THRB: variants seen among roughly 807,000 people sequenced by gnomAD.
The protein encoded by THRB is nuclear receptor subfamily 1 group A member 2.
THRB carries 12 observed loss-of-function variants against 47.8 expected under a neutral mutation model. The ratio of observed to expected loss-of-function variants is 0.25; its 90% confidence interval spans 0.16 to 0.41. The LOEUF (loss-of-function observed/expected upper bound fraction) is 0.41. Among genes scored for constraint, THRB ranks in the 10% least tolerant of loss-of-function variants. THRB has a pLI of 1.00. For synonymous variants in THRB, 218 were observed against 212.2 expected, an observed-to-expected ratio of 1.03 and a Z score of -0.24; for missense variants, 348 against 589.2, an observed-to-expected ratio of 0.59 and a Z score of 4.24.
At chr3:24,255,668 G>C (rs1431891129) in intron 3 of THRB, among the ~76,000 whole-genome samples, 1 of 152,188 alleles carries the variant, frequency 6.6e-6, no homozygotes, top group Non-Finnish European at 1.5e-5. Flanking sequence ...ATGGAGAAGG[G>C]AGGGACCCGT....
At chr3:24,483,562 CA>C (rs1292049402) in intron 1 of THRB, among the ~76,000 whole-genome samples, 2 of 150,124 alleles carry the variant, frequency 1.3e-5, no homozygotes, top group Non-Finnish European at 3.0e-5. Flanking sequence ...AGCAAGTTCC[CA>C]ACACTCTTTG....
intron 3 of THRB, among the ~76,000 whole-genome samples, chr3:24,267,936 A>T (rs2052834296): frequency 6.6e-6 from 1 of 152,230 alleles, no homozygotes; most frequent in Non-Finnish European, 1.5e-5. Flanking sequence ...CAACACCATT[A>T]GCCCTATCCT....
intron 2 of THRB, among the ~76,000 whole-genome samples, chr3:24,309,836 T>C (rs1241331985): frequency 6.6e-6 from 1 of 152,188 alleles, no homozygotes; most frequent in African/African-American, 2.4e-5. Flanking sequence ...GATATAAACT[T>C]GTAAAATACG....
At chr3:24,268,742 C>T (rs752270545) in intron 3 of THRB, among the ~76,000 whole-genome samples, 9 of 151,978 alleles carry the variant, frequency 5.9e-5, no homozygotes, top group Admixed American at 1.3e-4. Context: ...AATGTTTGTG[C>T]CTGTTATCTC....
In THRB at chr3:24,165,120, T is replaced by C. The variant is rs543770434; in HGVS notation, c.284-12630A>G. On this transcript the variant is annotated intron_variant, in intron 5 of 10. Coordinates refer to ENST00000646209, the MANE Select transcript of THRB (RefSeq NM_001354712.2). ...GGTTGGCTGTATTGATTCAGGGCCA[T>C]GTCCAAGTCAGAGTCCTTGCTTTTA... is the stretch of plus-strand genomic sequence containing the variant. The C allele has an allele frequency of 2.3e-4, 177 of 765,152 alleles. 4 individuals carry two copies. The highest frequency in any genetic ancestry group is 2.3e-3 in the South Asian group (172 of 74,616). 47.4% of individuals were successfully genotyped at this position (765,152 alleles called of 1,614,324 possible).
At chr3:24,452,322 C>T (rs2072741838) in intron 1 of THRB, among the ~76,000 whole-genome samples, 1 of 151,900 alleles carries the variant, frequency 6.6e-6, no homozygotes, top group Non-Finnish European at 1.5e-5. Context: ...CGTTTGGTGC[C>T]CAAGGTGCGT....
intron 3 of THRB, among the ~76,000 whole-genome samples, chr3:24,275,101 C>G (rs73148334): frequency 0.053 from 8,101 of 152,070 alleles, 696 homozygotes; most frequent in African/African-American, 0.18. Context: ...AACTTTGTAT[C>G]TTGGGTTTTA....
rs567422123 is a variant in THRB, at chr3:24,184,984, GT to G, written c.283+5089del. Among the ~76,000 whole-genome samples, 382 of 152,298 alleles carry G rather than the reference GT, an allele frequency of 2.5e-3. 2 individuals carry two copies. Among genetic ancestry groups the G allele is most frequent in the Non-Finnish European group, 4.1e-3 (279 of 68,030 alleles). On this transcript the variant is annotated intron_variant, in intron 5 of 10. Transcript: ENST00000646209. ...AATGCACACAATGACTTGCATTTAT[GT>G]CTCCAACTTTTAAGACACTTTGTTA... is the stretch of plus-strand genomic sequence containing the variant.
At chr3:24,409,511 G>C (rs1283074611) in intron 1 of THRB, among the ~76,000 whole-genome samples, 2 of 151,658 alleles carry the variant, frequency 1.3e-5, no homozygotes, top group Non-Finnish European at 2.9e-5. Flanking sequence ...GTATTATCCT[G>C]GGCCTCTGAC....
intron 1 of THRB, among the ~76,000 whole-genome samples, chr3:24,462,771 T>A (rs950127245): frequency 2.2e-4 from 33 of 152,192 alleles, no homozygotes; most frequent in African/African-American, 8.0e-4. Context: ...CTGAGGAGTT[T>A]CCTCGAGGTG....
intron 8 of THRB, among the ~76,000 whole-genome samples, chr3:24,140,905 T>C (rs979899278): frequency 2.6e-5 from 4 of 152,170 alleles, no homozygotes; most frequent in Non-Finnish European, 4.4e-5. Context: ...GAATGGAACA[T>C]TGTTCTCCTG....
intron 2 of THRB, among the ~76,000 whole-genome samples, chr3:24,324,774 A>G (rs2058703149): frequency 6.6e-6 from 1 of 152,192 alleles, no homozygotes; most frequent in South Asian, 2.1e-4. Context: ...GGTCCATGTA[A>G]TCTGTTGGTT....
At chr3:24,359,111 T>C (rs1341765290) in intron 1 of THRB, among the ~76,000 whole-genome samples, 1 of 152,106 alleles carries the variant, frequency 6.6e-6, no homozygotes, top group Non-Finnish European at 1.5e-5. Context: ...GTCTGATGAT[T>C]TTGTGGGTCC....
At chr3:24,470,619 G>A (rs1167470796) in intron 1 of THRB, among the ~76,000 whole-genome samples, 1 of 152,144 alleles carries the variant, frequency 6.6e-6, no homozygotes, top group African/African-American at 2.4e-5. Context: ...TGGCTCCAAT[G>A]TAGAGACTTT....
At chr3:24,363,466 G>A (rs1397787735) in intron 1 of THRB, among the ~76,000 whole-genome samples, 1 of 152,136 alleles carries the variant, frequency 6.6e-6, no homozygotes, top group Admixed American at 6.6e-5. Context: ...TAAATATTAA[G>A]CAATCCACTG....
intron 3 of THRB, among the ~76,000 whole-genome samples, chr3:24,292,167 A>G (rs1245853750): frequency 1.3e-5 from 2 of 152,186 alleles, no homozygotes; most frequent in Non-Finnish European, 2.9e-5. Context: ...TGTTTGTACT[A>G]TGTCTGCAAT....
chr3:24,272,971 T>C (rs1393932634), intron 3 of THRB, among the ~76,000 whole-genome samples: 1 of 152,232 alleles, frequency 6.6e-6, no homozygotes, highest in Non-Finnish European at 1.5e-5. Context: ...TAAGTACTTG[T>C]TGGTTTTGAC....
chr3:24,318,706 C>T (rs752565270), intron 2 of THRB, among the ~76,000 whole-genome samples: 6 of 152,170 alleles, frequency 3.9e-5, no homozygotes, highest in Admixed American at 1.3e-4. Flanking sequence ...AGACAGGATT[C>T]CCTGTGTATG....
intron 1 of THRB, among the ~76,000 whole-genome samples, chr3:24,473,639 C>G (rs908366811): frequency 1.8e-4 from 28 of 152,154 alleles, no homozygotes; most frequent in Non-Finnish European, 2.9e-4. Context: ...CACATGCACA[C>G]ATATGTTTAT....
Sources: allele counts gnomAD v4.1 joint callset (sites outside exome capture counted in the v4.1 genomes callset), GRCh38; gene constraint gnomAD v4.1.1; transcripts MANE v1.5; gene names NCBI Gene and HGNC (gene_info 2026-07-23, HGNC 2026-07-21).